The following XKR9 variants were observed in gnomAD, a reference collection of about 807,000 sequenced individuals.
XKR9 encodes XK-related protein 9.
XKR9 carries 32 observed loss-of-function variants against 32.0 expected under a neutral mutation model. The observed-to-expected ratio is 1.00, with a 90% CI of 0.76 to 1.34. The LOEUF is 1.34. XKR9 is among the 40% of genes most tolerant of loss of function. The pLI is 0.00. For synonymous variants in XKR9, 168 were observed against 143.4 expected, an observed-to-expected ratio of 1.17 and a Z score of -1.22; for missense variants, 546 against 429.7, an observed-to-expected ratio of 1.27 and a Z score of -2.39.
chr8:70,782,556 C>T (rs912275776), intron 2 of XKR9, among the ~76,000 whole-genome samples: 3 of 151,830 alleles, frequency 2.0e-5, no homozygotes, highest in Non-Finnish European at 2.9e-5. Context: ...AGATTTTGTA[C>T]CTTTTGATCA....
intron 2 of XKR9, among the ~76,000 whole-genome samples, chr8:70,767,153 G>A (rs1048060921): frequency 7.2e-5 from 11 of 152,080 alleles, no homozygotes; most frequent in African/African-American, 2.7e-4. Flanking sequence ...TCTATTGTTT[G>A]GAATAGTTTC....
chr8:70,984,955 T>C, the XKR9 span, among the ~76,000 whole-genome samples: 3 of 152,198 alleles, frequency 2.0e-5, no homozygotes, highest in Admixed American at 1.3e-4. Flanking sequence ...ACAATTTATA[T>C]GTTAGACTTT....
At chr8:70,898,086 G>A in the XKR9 span, among the ~76,000 whole-genome samples, 2 of 152,092 alleles carry the variant, frequency 1.3e-5, no homozygotes, top group South Asian at 2.1e-4. Flanking sequence ...TTTGATTTTT[G>A]TATATGGTGA....
intron 2 of XKR9, among the ~76,000 whole-genome samples, chr8:70,776,923 TTCTC>T (rs369388439): frequency 1.1e-3 from 64 of 59,624 alleles, no homozygotes; most frequent in African/African-American, 4.1e-3. Flanking sequence ...TTCTCTTTCT[TTCTC>T]TCTCTCTCTC....
chr8:70,710,273 C>T (rs150746967), intron 4 of XKR9, among the ~76,000 whole-genome samples: 1,533 of 152,174 alleles, frequency 0.01, 24 homozygotes, highest in African/African-American at 0.035. Flanking sequence ...TTCCTTTTAC[C>T]ATATACAAAA....
At chr8:70,880,991 G>T in the XKR9 span, among the ~76,000 whole-genome samples, 5 of 152,100 alleles carry the variant, frequency 3.3e-5, no homozygotes, top group South Asian at 6.2e-4. Context: ...TCTGATCTTT[G>T]ACAAACCTGA....
chr8:70,724,076 G>T (rs1425432835), intron 4 of XKR9, among the ~76,000 whole-genome samples: 2 of 152,204 alleles, frequency 1.3e-5, no homozygotes, highest in East Asian at 1.9e-4. Context: ...CTTCGGAGAT[G>T]CCCTGCCCAG....
At chr8:71,000,914 G>A in the XKR9 span, among the ~76,000 whole-genome samples, 1 of 152,212 alleles carries the variant, frequency 6.6e-6, no homozygotes, top group African/African-American at 2.4e-5. Flanking sequence ...CTTCTTCTTG[G>A]AAGGGTAACA....
chr8:70,876,760 A>G, the XKR9 span, among the ~76,000 whole-genome samples: 2 of 152,136 alleles, frequency 1.3e-5, no homozygotes, highest in African/African-American at 4.8e-5. Flanking sequence ...GTCTGAAGCT[A>G]TGAGTCTTGC....
At chr8:70,980,784 T>G in the XKR9 span, among the ~76,000 whole-genome samples, 1 of 152,234 alleles carries the variant, frequency 6.6e-6, no homozygotes, top group Non-Finnish European at 1.5e-5. Flanking sequence ...TTCAAGGATT[T>G]GTTTCAAGAT....
chr8:71,037,780 C>G, the XKR9 span, among the ~76,000 whole-genome samples: 1 of 152,124 alleles, frequency 6.6e-6, no homozygotes, highest in South Asian at 2.1e-4. Flanking sequence ...ATCTTAATGT[C>G]TTTTGCATAC....
chr8:71,038,557 G>A, the XKR9 span, among the ~76,000 whole-genome samples: 1 of 151,314 alleles, frequency 6.6e-6, no homozygotes, highest in Non-Finnish European at 1.5e-5. Context: ...CTGACCTCGT[G>A]ATCACCCACC....
the XKR9 span, among the ~76,000 whole-genome samples, chr8:71,034,909 ATT>A: frequency 1.1e-4 from 16 of 152,254 alleles, no homozygotes; most frequent in East Asian, 7.7e-4. Context: ...TCATGAATGT[ATT>A]TATCATTTCT....
the XKR9 span, among the ~76,000 whole-genome samples, chr8:70,841,083 TG>T: frequency 1.3e-5 from 2 of 152,164 alleles, no homozygotes; most frequent in East Asian, 3.8e-4. Context: ...GTTTTAATCA[TG>T]TCAAGACACA....
the XKR9 span, among the ~76,000 whole-genome samples, chr8:70,912,874 C>A: frequency 1.3e-5 from 2 of 152,150 alleles, no homozygotes; most frequent in African/African-American, 4.8e-5. Flanking sequence ...TCTACTACAT[C>A]TTCTGAAATA....
At chr8:70,786,729 GT>G (rs1289128121) in intron 2 of XKR9, among the ~76,000 whole-genome samples, 1 of 151,970 alleles carries the variant, frequency 6.6e-6, no homozygotes, top group Non-Finnish European at 1.5e-5. Context: ...GTGACTTTGT[GT>G]CTTTTTATGG....
At chr8:70,716,641 T>G (rs977952211) in intron 4 of XKR9, among the ~76,000 whole-genome samples, 1 of 152,138 alleles carries the variant, frequency 6.6e-6, no homozygotes, top group African/African-American at 2.4e-5. Context: ...CCATGACACG[T>G]GGGGCTTATA....
chr8:70,997,960 C>T, the XKR9 span, among the ~76,000 whole-genome samples: 1 of 152,170 alleles, frequency 6.6e-6, no homozygotes, highest in South Asian at 2.1e-4. Context: ...AGCAGAAATT[C>T]CCCCTACCCA....
intron 2 of XKR9, chr8:70,780,780 T>A (rs996097975): frequency 6.6e-6 from 1 of 152,178 alleles, no homozygotes; most frequent in African/African-American, 2.4e-5. Context: ...TATGTTTGTC[T>A]TTTTAAGGAA....
Sources: gnomAD v4.1 joint callset for allele counts (sites outside exome capture counted in the v4.1 genomes callset) on GRCh38, gnomAD v4.1.1 for gene constraint, MANE v1.5 for transcripts, NCBI Gene and HGNC (gene_info 2026-07-23, HGNC 2026-07-21) for gene names.